The following FHIT variants were observed in gnomAD, a reference collection of about 807,000 sequenced individuals.
FHIT encodes bis(5'-adenosyl)-triphosphatase.
Under a neutral mutation model 17.9 loss-of-function variants are expected in FHIT, and 19 were observed. That is an observed-to-expected ratio of 1.06 (90% CI 0.74 to 1.56). The LOEUF (loss-of-function observed/expected upper bound fraction) is 1.56. Among genes scored for constraint, FHIT ranks in the 40% most tolerant of loss-of-function variants. FHIT has a pLI of 0.00. For missense variants in FHIT, 248 were observed against 189.2 expected, an observed-to-expected ratio of 1.31 and a Z score of -1.82; for synonymous variants, 81 against 69.7, an observed-to-expected ratio of 1.16 and a Z score of -0.81.
chr3:60,409,291 C>T (rs1266682412), intron 5 of FHIT, among the ~76,000 whole-genome samples: 1 of 152,076 alleles, frequency 6.6e-6, no homozygotes, highest in East Asian at 1.9e-4. Context: ...AAACATAAAT[C>T]CTGGAGTAAT....
At chr3:60,317,951 C>G (rs553124204) in intron 5 of FHIT, among the ~76,000 whole-genome samples, 1 of 152,008 alleles carries the variant, frequency 6.6e-6, no homozygotes, top group Admixed American at 6.6e-5. Context: ...TCACCACACC[C>G]AGACAATTTT....
At chr3:60,676,816 T>C (rs2040630948) in intron 4 of FHIT, among the ~76,000 whole-genome samples, 2 of 151,998 alleles carry the variant, frequency 1.3e-5, no homozygotes, top group Non-Finnish European at 2.9e-5. Context: ...CAAGAACTCA[T>C]TTTTTTTAAT....
chr3:59,927,911 T>C (rs1042644757), intron 7 of FHIT, among the ~76,000 whole-genome samples: 1 of 152,224 alleles, frequency 6.6e-6, no homozygotes, highest in Non-Finnish European at 1.5e-5. Flanking sequence ...CCTTCCACCA[T>C]CTCTTTGAAC....
At chr3:61,194,936 G>A (rs2038813228) in intron 2 of FHIT, among the ~76,000 whole-genome samples, 1 of 150,460 alleles carries the variant, frequency 6.6e-6, no homozygotes, top group African/African-American at 2.4e-5. Context: ...GAAAACCCCA[G>A]GCCAAATTTT....
At chr3:61,036,904 T>TTG (rs201367905) in intron 3 of FHIT, among the ~76,000 whole-genome samples, 22,016 of 100,688 alleles carry the variant, frequency 0.22, 2,580 homozygotes, top group East Asian at 0.68. Flanking sequence ...CTGCTTTGTT[T>TTG]TTTTTTTTTG....
At chr3:60,100,705 T>G (rs1704156339) in intron 5 of FHIT, among the ~76,000 whole-genome samples, 1 of 152,022 alleles carries the variant, frequency 6.6e-6, no homozygotes, top group South Asian at 2.1e-4. Flanking sequence ...AAAACCAGAG[T>G]GAATTTATTT....
intron 8 of FHIT, among the ~76,000 whole-genome samples, chr3:59,780,518 T>A (rs1702533905): frequency 6.6e-6 from 1 of 152,202 alleles, no homozygotes; most frequent in Admixed American, 6.5e-5. Context: ...TCCAGGGTGG[T>A]ATGGACTGAA....
intron 4 of FHIT, among the ~76,000 whole-genome samples, chr3:60,549,195 T>C (rs1411645322): frequency 6.6e-6 from 1 of 152,234 alleles, no homozygotes. Flanking sequence ...ACAAAAATGG[T>C]ATGTAATGGT....
At chr3:60,444,809 C>T (rs918833649) in intron 5 of FHIT, among the ~76,000 whole-genome samples, 4 of 151,456 alleles carry the variant, frequency 2.6e-5, no homozygotes, top group East Asian at 1.9e-4. Flanking sequence ...CAAACCCGCA[C>T]ATTGTGCACA....
chr3:59,977,348 T>C (rs567375770), intron 7 of FHIT, among the ~76,000 whole-genome samples: 10 of 152,142 alleles, frequency 6.6e-5, no homozygotes, highest in Non-Finnish European at 1.3e-4. Flanking sequence ...CTACAATTTA[T>C]GCTCCCTTCA....
At chr3:60,430,039 G>C (rs1165839553) in intron 5 of FHIT, among the ~76,000 whole-genome samples, 1 of 151,898 alleles carries the variant, frequency 6.6e-6, no homozygotes, top group Non-Finnish European at 1.5e-5. Flanking sequence ...GATACTGACT[G>C]ACTGGAGAAG....
intron 3 of FHIT, among the ~76,000 whole-genome samples, chr3:61,013,092 T>C (rs1352775923): frequency 3.9e-5 from 6 of 152,154 alleles, no homozygotes; most frequent in Non-Finnish European, 8.8e-5. Flanking sequence ...ATTATATTCT[T>C]TGCAACTCTT....
chr3:60,502,068 A>G (rs2034547455), intron 5 of FHIT, among the ~76,000 whole-genome samples: 1 of 152,198 alleles, frequency 6.6e-6, no homozygotes, highest in Admixed American at 6.5e-5. Flanking sequence ...GTTGTCAGTG[A>G]TGTGAAAAAT....
chr3:61,147,872 C>T (rs1225331669), intron 2 of FHIT, among the ~76,000 whole-genome samples: 1 of 151,906 alleles, frequency 6.6e-6, no homozygotes, highest in Non-Finnish European at 1.5e-5. Context: ...TTTCTAGCTA[C>T]AATTGACATT....
chr3:60,241,458 A>C (rs1053743705), intron 5 of FHIT, among the ~76,000 whole-genome samples: 1 of 152,166 alleles, frequency 6.6e-6, no homozygotes, highest in Non-Finnish European at 1.5e-5. Context: ...GTATGAAAAA[A>C]ATATTTATTT....
At chr3:61,003,967 C>A (rs2031272232) in intron 3 of FHIT, among the ~76,000 whole-genome samples, 1 of 152,176 alleles carries the variant, frequency 6.6e-6, no homozygotes, top group Non-Finnish European at 1.5e-5. Flanking sequence ...TGTGTACTTA[C>A]TTCAGATCAT....
chr3:60,144,005 G>C lies in FHIT; in HGVS notation c.104-129853C>G, dbSNP rs78655294. Among the ~76,000 whole-genome samples, 900 of 152,254 alleles carry C rather than the reference G, an allele frequency of 5.9e-3. 9 individuals are homozygous for C. Among genetic ancestry groups the C allele is most frequent in the African/African-American group, 0.021 (854 of 41,558 alleles). ...AGTAACAACACTAGGCATGAAAGTA[G>C]CCCATGTGTGGCCCTCAGGAGAGCT... On this transcript the variant is annotated intron_variant, in intron 5 of 9. Coordinates refer to ENST00000492590, the MANE Select transcript of FHIT (RefSeq NM_002012.4).
intron 6 of FHIT, 136 bp downstream of exon 6, chr3:60,013,871 G>A: frequency 1.1e-6 from 1 of 884,172 alleles, no homozygotes; most frequent in Non-Finnish European, 1.8e-6. Context: ...CCCTGCATTA[G>A]AAATCTCTTT....
Position 59,971,693 on chromosome 3 carries a change from T to G in FHIT, c.279+39678A>C, listed in dbSNP as rs990645237. On this transcript the variant is annotated intron_variant, in intron 7 of 9. Coordinates refer to ENST00000492590, the MANE Select transcript of FHIT (RefSeq NM_002012.4). ...AGTTTAGACAGAGTCTTTGGTCAGC[T>G]CTGAGCTCAGGAAGACTGAAGTCCA... Among the ~76,000 whole-genome samples the G allele has an allele frequency of 7.2e-5, 11 of 152,128 alleles. 1 individual carries two copies. Among genetic ancestry groups the G allele is most frequent in the Admixed American group, 6.6e-4 (10 of 15,262 alleles).
Sources: gnomAD v4.1 joint callset for allele counts (sites outside exome capture counted in the v4.1 genomes callset) on GRCh38, gnomAD v4.1.1 for gene constraint, MANE v1.5 for transcripts, NCBI Gene and HGNC (gene_info 2026-07-23, HGNC 2026-07-21) for gene names.